Variants in PPP2R2D observed in about 807,000 individuals in gnomAD.
The protein encoded by PPP2R2D is serine/threonine-protein phosphatase 2A 55 kDa regulatory subunit B delta isoform.
A neutral mutation model predicts 31.1 loss-of-function variants in PPP2R2D; 9 were observed. That is an observed-to-expected ratio of 0.29 (90% CI 0.17 to 0.51). The LOEUF (loss-of-function observed/expected upper bound fraction) is 0.51, where lower values mean the gene tolerates loss of function less well. Ranked by LOEUF, PPP2R2D falls within the 20% of genes least tolerant of loss-of-function variation. The pLI is 0.98. For missense variants in PPP2R2D, 391 were observed against 465.6 expected (o/e 0.84, Z 1.48); for synonymous variants, 179 against 172.6 (o/e 1.04, Z -0.29).
chr10:131,917,180 G>A (rs2035817300), intron 2 of PPP2R2D, among the ~76,000 whole-genome samples: 1 of 97,486 alleles, frequency 1.0e-5, no homozygotes, highest in Non-Finnish European at 2.2e-5. Context: ...ATGACACAGC[G>A]TTTGTAGGGA....
At chr10:131,953,987 A>G (rs1353548179) in intron 8 of PPP2R2D, among the ~76,000 whole-genome samples, 2 of 152,158 alleles carry the variant, frequency 1.3e-5, no homozygotes, top group Non-Finnish European at 2.9e-5. Context: ...GAGGGATGCG[A>G]TGAAGGGGAG....
At chr10:131,966,089 G>T in the PPP2R2D span, among the ~76,000 whole-genome samples, 1 of 152,324 alleles carries the variant, frequency 6.6e-6, no homozygotes, top group East Asian at 1.9e-4. Context: ...CCTAGAAGTG[G>T]TTTGTGTGTC....
intron 3 of PPP2R2D, among the ~76,000 whole-genome samples, chr10:131,938,051 G>A (rs1371531220): frequency 2.0e-5 from 3 of 151,862 alleles, no homozygotes; most frequent in Non-Finnish European, 4.4e-5. Flanking sequence ...GGCTTCGGTG[G>A]AAGGAATGCC....
chr10:131,942,719 TA>T lies in PPP2R2D; in HGVS notation c.478-1248del, dbSNP rs1219293792. 8.1e-4 allele frequency among the ~76,000 whole-genome samples: 123 copies of T among 152,352 alleles called. 1 individual carries two copies. The highest frequency in any genetic ancestry group is 3.2e-4 in the Non-Finnish European group (22 of 68,030). Reference sequence around the variant, plus strand: ...CCCATCTCTAAAAATGAAAGCAAATTATTTTATATGCAAATTAAAATGTTTT... The same window carrying T: ...CCCATCTCTAAAAATGAAAGCAAATTTTTTATATGCAAATTAAAATGTTTT... On this transcript the variant is annotated intron_variant, in intron 5 of 8. Coordinates refer to ENST00000455566, the MANE Select transcript of PPP2R2D (RefSeq NM_018461.5).
At chr10:131,914,257 G>A (rs1383474061) in intron 2 of PPP2R2D, among the ~76,000 whole-genome samples, 1 of 152,212 alleles carries the variant, frequency 6.6e-6, no homozygotes, top group Middle Eastern at 3.2e-3. Context: ...CACTTTGGGA[G>A]GCCAAGGCAG....
Position 131,955,764 on chromosome 10 carries a change from C to A in PPP2R2D, c.1163C>A (p.Ser388Ter). The A allele has an allele frequency of 6.3e-7, 1 of 1,581,616 alleles. No homozygotes were observed. Among genetic ancestry groups the A allele is most frequent in the Non-Finnish European group, 8.6e-7 (1 of 1,160,470 alleles). Residue 388 changes from serine (S) to a stop codon, truncating the protein, a stop_gained, in exon 9 of 9, where the codon TCG (serine) becomes TAG (stop). Transcript: ENST00000455566. LOFTEE classifies it high-confidence loss of function. ...CGGAGGGATGTGACCCTGGAGGCCT[C>A]GAGAGAGAGCAGCAAACCGCGCGCC... ...DTRRDVTLEA[S>*]RESSKPRASL...
At chr10:131,903,692 T>C (rs2035538046) in intron 2 of PPP2R2D, among the ~76,000 whole-genome samples, 1 of 152,230 alleles carries the variant, frequency 6.6e-6, no homozygotes, top group Admixed American at 6.5e-5. Flanking sequence ...TTTTAATCCA[T>C]GTATGCTTTG....
intron 2 of PPP2R2D, among the ~76,000 whole-genome samples, chr10:131,931,817 C>T (rs2036234089): frequency 6.6e-6 from 1 of 152,098 alleles, no homozygotes. Context: ...ATATTGAGGC[C>T]CTTTCCCCAG....
Position 131,956,644 on chromosome 10 carries a change from T to C in PPP2R2D, c.*681T>C, listed in dbSNP as rs138503192. 68 of 853,780 alleles carry C rather than the reference T, an allele frequency of 8.0e-5. No homozygotes were observed. The East Asian group carries it at 2.7e-3, about 34-fold the overall frequency. 52.9% of individuals were successfully genotyped at this position (853,780 alleles called of 1,614,324 possible). On this transcript the variant is annotated 3_prime_UTR_variant, in exon 9 of 9. Transcript: ENST00000455566. ...TAACTGTTTGAGAAATGTGTGTCCTTCTTTGGCAGCGTGGGGGTATGTGTG... is the reference window on the plus strand; with the variant it reads ...TAACTGTTTGAGAAATGTGTGTCCTCCTTTGGCAGCGTGGGGGTATGTGTG...
chr10:131,956,199 C>G lies in PPP2R2D; in HGVS notation c.*236C>G, dbSNP rs782237150. ...GCTCTCGAAGCAGAGTTGACGGACACTGCTCCCAAAAGGTCATTACTCAGA... is the reference window on the plus strand; with the variant it reads ...GCTCTCGAAGCAGAGTTGACGGACAGTGCTCCCAAAAGGTCATTACTCAGA... On this transcript the variant is annotated 3_prime_UTR_variant, in exon 9 of 9. Coordinates refer to ENST00000455566, the MANE Select transcript of PPP2R2D (RefSeq NM_018461.5). 3.3e-6 allele frequency: 4 copies of G among 1,213,752 alleles called. No individual in the cohort carries two copies. The highest frequency in any genetic ancestry group is 4.1e-6 in the Non-Finnish European group (4 of 976,850). The allele number at this position is 1,213,752 out of a possible 1,614,324, so 75.2% of individuals were successfully genotyped here. A position where few individuals can be genotyped will look rare whatever the true frequency, so the allele number is the denominator to read the frequency against.
At chr10:131,932,667 A>AAAAAC (rs1564817986) in intron 2 of PPP2R2D, among the ~76,000 whole-genome samples, 1 of 133,152 alleles carries the variant, frequency 7.5e-6, no homozygotes, top group African/African-American at 3.4e-5. Context: ...AAAAAAAAAA[A>AAAAAC]ACACACAAAA....
intron 2 of PPP2R2D, among the ~76,000 whole-genome samples, chr10:131,905,303 T>C (rs2035564290): frequency 6.6e-6 from 1 of 152,192 alleles, no homozygotes; most frequent in Non-Finnish European, 1.5e-5. Context: ...AATTCCACGA[T>C]GTTGCGGTTC....
intron 2 of PPP2R2D, among the ~76,000 whole-genome samples, chr10:131,912,761 C>G (rs1392181246): frequency 2.0e-5 from 3 of 152,172 alleles, no homozygotes; most frequent in Admixed American, 2.0e-4. Flanking sequence ...ACCAGGCTGC[C>G]TTTTTATGTG....
intron 8 of PPP2R2D, among the ~76,000 whole-genome samples, chr10:131,952,221 G>T (rs183652303): frequency 8.7e-5 from 3 of 34,352 alleles, no homozygotes; most frequent in Admixed American, 1.1e-3. Context: ...GTGCGGGGGG[G>T]TTCACTGTCT....
chr10:131,930,451 A>G (rs1216031292), intron 2 of PPP2R2D, among the ~76,000 whole-genome samples: 1 of 152,250 alleles, frequency 6.6e-6, no homozygotes, highest in Non-Finnish European at 1.5e-5. Flanking sequence ...TGCCTCTCGC[A>G]GCAGTTTCCT....
At chr10:131,941,868 A>AT (rs531211225) in intron 5 of PPP2R2D, among the ~76,000 whole-genome samples, 17 of 152,156 alleles carry the variant, frequency 1.1e-4, no homozygotes, top group Non-Finnish European at 2.5e-4. Context: ...CTATGAGTTC[A>AT]TCAAAGCGAG....
At chr10:131,932,998 C>T (rs565414974) in intron 2 of PPP2R2D, among the ~76,000 whole-genome samples, 1 of 152,164 alleles carries the variant, frequency 6.6e-6, no homozygotes, top group South Asian at 2.1e-4. Flanking sequence ...TTTTATACAC[C>T]CTCTGGGTAT....
chr10:131,953,077 T>TG (rs1554899195), intron 8 of PPP2R2D, among the ~76,000 whole-genome samples: 2 of 127,950 alleles, frequency 1.6e-5, no homozygotes, highest in South Asian at 2.7e-4. Flanking sequence ...CGGGTGTGTG[T>TG]GGGAGGTTCA....
At chr10:131,952,186 A>G (rs1248572790) in intron 8 of PPP2R2D, among the ~76,000 whole-genome samples, 42 of 58,820 alleles carry the variant, frequency 7.1e-4, no homozygotes, top group Non-Finnish European at 1.0e-3. Flanking sequence ...AGGGGGTTTC[A>G]CTGTCTTAGC....
Sources: allele counts gnomAD v4.1 joint callset (sites outside exome capture counted in the v4.1 genomes callset), GRCh38; gene constraint gnomAD v4.1.1; transcripts MANE v1.5; gene names NCBI Gene and HGNC (gene_info 2026-07-23, HGNC 2026-07-21).